Variants in FILIP1L observed in about 807,000 individuals in gnomAD.
FILIP1L encodes filamin A interacting protein 1 like.
A neutral mutation model predicts 96.6 loss-of-function variants in FILIP1L; 55 were observed. That is an observed-to-expected ratio of 0.57 (90% CI 0.46 to 0.71). The LOEUF is 0.71. Among genes scored for constraint, FILIP1L ranks in the 30% least tolerant of loss-of-function variants. The probability of loss-of-function intolerance (pLI) is 0.00; values close to 1 mark genes in which losing one functional copy is unlikely to be tolerated. For missense variants in FILIP1L, 1,304 were observed against 1,321.2 expected (o/e 0.99, Z 0.20); for synonymous variants, 467 against 473.9 (o/e 0.99, Z 0.19).
intron 1 of FILIP1L, among the ~76,000 whole-genome samples, chr3:100,068,424 A>C (rs534610025): frequency 6.6e-6 from 1 of 151,980 alleles, no homozygotes; most frequent in South Asian, 2.1e-4. Flanking sequence ...AACACATTTA[A>C]CTACAAAACA....
intron 1 of FILIP1L, among the ~76,000 whole-genome samples, chr3:99,957,449 T>A (rs1708352452): frequency 6.6e-6 from 1 of 152,132 alleles, no homozygotes; most frequent in African/African-American, 2.4e-5. Flanking sequence ...TACACATATG[T>A]GTGTATATAT....
rs1433646116 is a variant in FILIP1L, at chr3:99,924,425, T to G, written c.427-17A>C. ...TTTGTCCAACTACGAAAGAAAACAT[T>G]TATAGCCTGTTACCAAATTGTTTAT... On this transcript the variant is annotated splice_polypyrimidine_tract_variant and intron_variant, in intron 3 of 5. Transcript: ENST00000477258. The G allele has an allele frequency of 6.2e-7, 1 of 1,608,858 alleles. No individual in the cohort carries two copies. Among genetic ancestry groups the G allele is most frequent in the Non-Finnish European group, 8.5e-7 (1 of 1,176,188 alleles).
chr3:99,887,760 G>A (rs1705955369), intron 4 of FILIP1L, among the ~76,000 whole-genome samples: 1 of 151,970 alleles, frequency 6.6e-6, no homozygotes, highest in African/African-American at 2.4e-5. Flanking sequence ...ATTGAGATAG[G>A]GCCTCATTCT....
At chr3:100,072,700 G>C (rs747158254) in intron 1 of FILIP1L, among the ~76,000 whole-genome samples, 1 of 152,156 alleles carries the variant, frequency 6.6e-6, no homozygotes, top group Non-Finnish European at 1.5e-5. Context: ...CTGAAATACA[G>C]ATTATCTACT....
At chr3:99,974,929 C>T (rs182392145) in intron 1 of FILIP1L, among the ~76,000 whole-genome samples, 8 of 152,218 alleles carry the variant, frequency 5.3e-5, no homozygotes, top group Admixed American at 3.3e-4. Flanking sequence ...TAAACCTGGG[C>T]GTGTTATTTG....
intron 4 of FILIP1L, among the ~76,000 whole-genome samples, chr3:99,879,205 C>A (rs1705638560): frequency 6.6e-6 from 1 of 152,050 alleles, no homozygotes; most frequent in African/African-American, 2.4e-5. Context: ...ATTTTTCTAC[C>A]AAGTTCATTG....
In FILIP1L at chr3:99,849,514, G is replaced by A; in HGVS notation, c.2162C>T (p.Ala721Val). ...KSGHLSREVD[A>V]LKEKIHEYMA... ...GTATTCATGAATTTTCTCTTTTAAT[G>A]CATCCACTTCTCTTGAGAGGTGCCC... Residue 721 changes from alanine (A) to valine (V), a missense_variant, in exon 5 of 6, where the codon GCA becomes GTA. Coordinates refer to ENST00000477258, the MANE Select transcript of FILIP1L (RefSeq NM_001387850.1). 1 of 1,613,266 alleles carries A rather than the reference G, an allele frequency of 6.2e-7. No individual in the cohort carries two copies. Among genetic ancestry groups the A allele is most frequent in the Non-Finnish European group, 8.5e-7 (1 of 1,179,852 alleles).
intron 1 of FILIP1L, among the ~76,000 whole-genome samples, chr3:100,034,468 A>G (rs898951060): frequency 2.0e-5 from 3 of 152,232 alleles, no homozygotes; most frequent in Admixed American, 2.0e-4. Flanking sequence ...TTTTGAATCA[A>G]CATTGGTTAA....
Position 99,886,403 on chromosome 3 carries a change from T to TA in FILIP1L, c.606-35334dup, listed in dbSNP as rs372314191. On this transcript the variant is annotated intron_variant, in intron 4 of 5. Transcript: ENST00000477258. Reference sequence around the variant, plus strand: ...CATAAAATACACTTAACACTAATGATACCTGATGAGAAAAAAAAAAATCGG... The same window carrying TA: ...CATAAAATACACTTAACACTAATGATAACCTGATGAGAAAAAAAAAAATCGG... 5.9e-3 allele frequency among the ~76,000 whole-genome samples: 899 copies of TA among 151,292 alleles called. 13 individuals carry two copies. Among genetic ancestry groups the TA allele is most frequent in the African/African-American group, 0.021 (852 of 41,080 alleles).
At chr3:100,002,732 G>A (rs1419918043) in intron 1 of FILIP1L, among the ~76,000 whole-genome samples, 1 of 152,224 alleles carries the variant, frequency 6.6e-6, no homozygotes, top group East Asian at 1.9e-4. Flanking sequence ...TGGACCTGGA[G>A]TGACTTGTCC....
At chr3:99,956,647 A>G (rs1708328394) in intron 1 of FILIP1L, among the ~76,000 whole-genome samples, 1 of 152,046 alleles carries the variant, frequency 6.6e-6, no homozygotes, top group South Asian at 2.1e-4. Flanking sequence ...GCGCCCAGCC[A>G]CCTCCATGTA....
intron 1 of FILIP1L, among the ~76,000 whole-genome samples, chr3:99,965,811 G>T (rs965724897): frequency 6.6e-6 from 1 of 152,210 alleles, no homozygotes; most frequent in Admixed American, 6.5e-5. Context: ...TTTATAAACT[G>T]CATGCTGTTT....
intron 4 of FILIP1L, chr3:99,898,517 A>C (rs1576556997): frequency 6.6e-6 from 1 of 152,600 alleles, no homozygotes; most frequent in East Asian, 1.9e-4. Context: ...CTGTTATCCC[A>C]GCACTTTGGG....
At chr3:99,906,365 T>G (rs1056491524) in intron 4 of FILIP1L, among the ~76,000 whole-genome samples, 4 of 152,228 alleles carry the variant, frequency 2.6e-5, no homozygotes, top group Non-Finnish European at 5.9e-5. Flanking sequence ...TATATTGGGT[T>G]GTCAGTCTTA....
intron 5 of FILIP1L, among the ~76,000 whole-genome samples, chr3:99,834,925 T>C (rs1942834981): frequency 6.6e-6 from 1 of 152,212 alleles, no homozygotes; most frequent in Non-Finnish European, 1.5e-5. Context: ...TAAGTTTTCT[T>C]TGGGGAGTAG....
At chr3:99,938,274 A>AC (rs1707753072) in intron 1 of FILIP1L, among the ~76,000 whole-genome samples, 1 of 152,192 alleles carries the variant, frequency 6.6e-6, no homozygotes, top group African/African-American at 2.4e-5. Context: ...TATGCACTAC[A>AC]CTATTTTTTA....
chr3:100,048,091 A>C (rs1243940843), intron 1 of FILIP1L, among the ~76,000 whole-genome samples: 1 of 152,184 alleles, frequency 6.6e-6, no homozygotes, highest in Admixed American at 6.5e-5. Flanking sequence ...AAACAGCCAC[A>C]ATCCAAGTCC....
chr3:100,042,230 A>T (rs2065217001), intron 1 of FILIP1L, among the ~76,000 whole-genome samples: 1 of 152,216 alleles, frequency 6.6e-6, no homozygotes, highest in African/African-American at 2.4e-5. Context: ...ACAAGCTTGT[A>T]AGATTCCTCT....
intron 1 of FILIP1L, among the ~76,000 whole-genome samples, chr3:100,072,331 C>T (rs1420629063): frequency 6.6e-6 from 1 of 152,204 alleles, no homozygotes; most frequent in Non-Finnish European, 1.5e-5. Context: ...TCATTCTGTG[C>T]ATTTCCAAAT....
Sources: allele counts gnomAD v4.1 joint callset (sites outside exome capture counted in the v4.1 genomes callset), GRCh38; gene constraint gnomAD v4.1.1; transcripts MANE v1.5; gene names NCBI Gene and HGNC (gene_info 2026-07-23, HGNC 2026-07-21).